Variants in PTPRD observed in about 807,000 individuals in gnomAD.
PTPRD encodes the protein receptor-type tyrosine-protein phosphatase delta.
A neutral mutation model predicts 214.5 loss-of-function variants in PTPRD; 34 were observed. That is an observed-to-expected ratio of 0.16 (90% CI 0.12 to 0.21). PTPRD has a LOEUF of 0.21. Ranked by LOEUF, PTPRD falls within the 10% of genes least tolerant of loss-of-function variation. The pLI, the probability that PTPRD is intolerant of heterozygous loss-of-function variation, is 1.00. For missense variants in PTPRD, 2,545 were observed against 2,398.7 expected (o/e 1.06, Z -1.27); for synonymous variants, 1,128 against 845.7 (o/e 1.33, Z -5.79).
intron 7 of PTPRD, among the ~76,000 whole-genome samples, chr9:9,603,851 T>G (rs887392909): frequency 6.6e-5 from 10 of 152,110 alleles, no homozygotes; most frequent in Non-Finnish European, 1.0e-4. Context: ...CATTTTTTTT[T>G]TTAACTTTTA....
intron 4 of PTPRD, among the ~76,000 whole-genome samples, chr9:9,945,806 A>G (rs926063878): frequency 6.6e-6 from 1 of 152,162 alleles, no homozygotes; most frequent in Non-Finnish European, 1.5e-5. Context: ...TTGAAATCCA[A>G]TAGACCATGT....
At chr9:8,792,294 C>G (rs2096262725) in intron 11 of PTPRD, among the ~76,000 whole-genome samples, 1 of 152,080 alleles carries the variant, frequency 6.6e-6, no homozygotes, top group African/African-American at 2.4e-5. Flanking sequence ...TTGGATGCCA[C>G]AAAATGAAAC....
At chr9:9,687,742 T>C (rs2803366) in intron 7 of PTPRD, among the ~76,000 whole-genome samples, 10,746 of 151,834 alleles carry the variant, frequency 0.071, 522 homozygotes, top group Non-Finnish European at 0.11. Flanking sequence ...TTGGTCTCAA[T>C]TGGTCAAAAA....
At chr9:9,968,324 C>A (rs1463601580) in intron 4 of PTPRD, among the ~76,000 whole-genome samples, 1 of 152,104 alleles carries the variant, frequency 6.6e-6, no homozygotes, top group Non-Finnish European at 1.5e-5. Context: ...TTCAGTAGTA[C>A]AACCCCTAAA....
chr9:8,451,645 G>A (rs1048864545), intron 33 of PTPRD, among the ~76,000 whole-genome samples: 1 of 152,080 alleles, frequency 6.6e-6, no homozygotes. Flanking sequence ...AACGTCACTG[G>A]GTGCAGCCAG....
intron 9 of PTPRD, among the ~76,000 whole-genome samples, chr9:9,281,838 A>G (rs1277426489): frequency 6.6e-6 from 1 of 151,126 alleles, no homozygotes; most frequent in Non-Finnish European, 1.5e-5. Context: ...CAAAAAAAAA[A>G]CTTGAAAGCA....
chr9:10,175,166 C>T (rs886736504), intron 3 of PTPRD, among the ~76,000 whole-genome samples: 2 of 152,032 alleles, frequency 1.3e-5, no homozygotes, highest in African/African-American at 4.8e-5. Flanking sequence ...TATCAGGATG[C>T]TGTGCCTGCA....
At chr9:8,495,156 G>C (rs902620543) in intron 26 of PTPRD, among the ~76,000 whole-genome samples, 3 of 152,094 alleles carry the variant, frequency 2.0e-5, no homozygotes, top group Non-Finnish European at 2.9e-5. Flanking sequence ...GTAAATATCT[G>C]CTAGATGTTT....
Position 8,389,307 on chromosome 9 carries a change from C to T in PTPRD, c.4311G>A (p.Gly1437=), listed in dbSNP as rs1251038630. 1.2e-6 allele frequency: 2 copies of T among 1,612,798 alleles called. No homozygotes were observed. The highest frequency in any genetic ancestry group is 8.5e-7 in the Non-Finnish European group (1 of 1,179,362). Residue 1437 remains glycine, a synonymous_variant, in exon 37 of 46, where the codon GGG becomes GGA. Transcript: ENST00000381196. ...GTTCCCATATCATTCTCCAAAAGTC[C>T]CCAAATGTTTCGGGGAGAGATCCCT... is the stretch of plus-strand genomic sequence containing the variant. The part of the protein sequence containing the change: ...ATQGSLPETF[G]DFWRMIWEQR...
chr9:9,975,526 A>T (rs903087375), intron 4 of PTPRD, among the ~76,000 whole-genome samples: 3 of 152,242 alleles, frequency 2.0e-5, no homozygotes, highest in Non-Finnish European at 4.4e-5. Flanking sequence ...CCTGGAACTT[A>T]TTAGGCATTC....
chr9:8,361,824 T>G lies in PTPRD; in HGVS notation c.4661+14112A>C, dbSNP rs1415532602. ...AAAATTCTGAAAAAACAGCCTCCTTTGTTCCCGCTTAAGGTAAAGCACTTT... is the reference window on the plus strand; with the variant it reads ...AAAATTCTGAAAAAACAGCCTCCTTGGTTCCCGCTTAAGGTAAAGCACTTT... On this transcript the variant is annotated intron_variant, in intron 39 of 45. Coordinates refer to ENST00000381196, the MANE Select transcript of PTPRD (RefSeq NM_002839.4). Among the ~76,000 whole-genome samples the G allele has an allele frequency of 2.0e-5, 3 of 152,352 alleles. No homozygotes were observed. In the East Asian group the frequency reaches 5.8e-4, roughly 29 times the overall value.
intron 3 of PTPRD, among the ~76,000 whole-genome samples, chr9:10,251,323 G>A (rs1322146): frequency 0.38 from 57,660 of 151,510 alleles, 13,112 homozygotes; most frequent in Non-Finnish European, 0.51. Context: ...ACCTTTCACA[G>A]ATAAAAATTA....
rs988581178 is a variant in PTPRD at position 9,219,461 on chromosome 9, T to C, written c.-202-36098A>G. ...AGCAAGGAATCTAATACCAAAGACA[T>C]GTCCTTAAACATTTGGCTAAAAGCC... On this transcript the variant is annotated intron_variant, in intron 9 of 45. Transcript: ENST00000381196. Among the ~76,000 whole-genome samples, 10 of 151,964 alleles carry C rather than the reference T, an allele frequency of 6.6e-5. No homozygotes were observed. In the South Asian group the frequency reaches 1.7e-3, roughly 25 times the overall value.
chr9:8,379,455 T>C (rs928284608), intron 37 of PTPRD, among the ~76,000 whole-genome samples: 1 of 152,128 alleles, frequency 6.6e-6, no homozygotes, highest in Non-Finnish European at 1.5e-5. Context: ...AAGTCTCCTT[T>C]TTTGCCATAT....
intron 5 of PTPRD, among the ~76,000 whole-genome samples, chr9:9,856,394 C>A (rs547536144): frequency 6.6e-6 from 1 of 152,224 alleles, no homozygotes; most frequent in South Asian, 2.1e-4. Flanking sequence ...TAGGGCTTCA[C>A]CAGGGACCCA....
At chr9:8,403,934 C>T (rs562318482) in intron 36 of PTPRD, among the ~76,000 whole-genome samples, 1 of 152,260 alleles carries the variant, frequency 6.6e-6, no homozygotes, top group Admixed American at 6.5e-5. Context: ...CAAAACCCAT[C>T]ACTAAAATGG....
At chr9:10,506,838 G>A (rs2046153685) in intron 2 of PTPRD, among the ~76,000 whole-genome samples, 1 of 151,994 alleles carries the variant, frequency 6.6e-6, no homozygotes, top group Admixed American at 6.6e-5. Context: ...CTTATGATTA[G>A]ACTAAAATTA....
chr9:9,371,041 A>G (rs981962109), intron 9 of PTPRD, among the ~76,000 whole-genome samples: 1 of 151,726 alleles, frequency 6.6e-6, no homozygotes, highest in Non-Finnish European at 1.5e-5. Flanking sequence ...TTTTTGCATC[A>G]ATATTCATTA....
At chr9:9,119,545 T>A (rs1020456277) in intron 10 of PTPRD, among the ~76,000 whole-genome samples, 4 of 152,148 alleles carry the variant, frequency 2.6e-5, no homozygotes, top group Non-Finnish European at 5.9e-5. Flanking sequence ...GATTTTTTTT[T>A]TTTTTAAGAA....
Sources: allele counts gnomAD v4.1 joint callset (sites outside exome capture counted in the v4.1 genomes callset), GRCh38; gene constraint gnomAD v4.1.1; transcripts MANE v1.5; gene names NCBI Gene and HGNC (gene_info 2026-07-23, HGNC 2026-07-21).